The following ESRRG variants were observed in gnomAD, a reference collection of about 807,000 sequenced individuals.
ESRRG encodes the protein estrogen related receptor gamma.
In ESRRG, 13 loss-of-function variants were observed where a neutral mutation model predicts 44.0. The ratio of observed to expected loss-of-function variants is 0.30; its 90% CI spans 0.19 to 0.47. The LOEUF (loss-of-function observed/expected upper bound fraction) is 0.47. ESRRG is among the 20% of genes least tolerant of loss of function. The pLI, the probability that ESRRG is intolerant of heterozygous loss-of-function variation, is 1.00. For synonymous variants in ESRRG, 215 were observed against 214.6 expected (o/e 1.00, Z -0.02); for missense variants, 395 against 580.6 (o/e 0.68, Z 3.29).
At chr1:216,553,249 G>A (rs1042557150) in intron 5 of ESRRG, among the ~76,000 whole-genome samples, 5 of 152,178 alleles carry the variant, frequency 3.3e-5, no homozygotes, top group Non-Finnish European at 4.4e-5. Context: ...GGTGGAGGAG[G>A]CCCAGCACTT....
intron 1 of ESRRG, among the ~76,000 whole-genome samples, chr1:216,693,819 T>C (rs1488119040): frequency 6.6e-6 from 1 of 152,210 alleles, no homozygotes; most frequent in East Asian, 1.9e-4. Flanking sequence ...ATCCTTCCTC[T>C]ATGAATTAAT....
At chr1:217,137,197 C>G (rs918394403) in intron 1 of ESRRG, among the ~76,000 whole-genome samples, 1 of 152,194 alleles carries the variant, frequency 6.6e-6, no homozygotes, top group Non-Finnish European at 1.5e-5. Flanking sequence ...GGGCAAAAAC[C>G]AAACAGGGTC....
At chr1:216,995,402 G>A (rs2076249982) in intron 1 of ESRRG, among the ~76,000 whole-genome samples, 1 of 152,142 alleles carries the variant, frequency 6.6e-6, no homozygotes, top group Non-Finnish European at 1.5e-5. Flanking sequence ...ACCCTTCAGT[G>A]GCTCTCCATT....
chr1:216,610,731 T>C (rs1400447335), intron 3 of ESRRG, among the ~76,000 whole-genome samples: 1 of 149,114 alleles, frequency 6.7e-6, no homozygotes, highest in Non-Finnish European at 1.5e-5. Context: ...GTGTGTATTT[T>C]ATTTATTGAT....
intron 2 of ESRRG, among the ~76,000 whole-genome samples, chr1:216,915,445 G>C (rs1174062629): frequency 6.6e-6 from 1 of 152,100 alleles, no homozygotes; most frequent in Non-Finnish European, 1.5e-5. Flanking sequence ...AGATGGGGTG[G>C]AGAGGAAGAA....
At chr1:217,115,139 G>A (rs528436828) in intron 1 of ESRRG, among the ~76,000 whole-genome samples, 1 of 152,220 alleles carries the variant, frequency 6.6e-6, no homozygotes, top group East Asian at 1.9e-4. Context: ...ATATGACTAG[G>A]CATTTATTCT....
intron 1 of ESRRG, among the ~76,000 whole-genome samples, chr1:216,683,726 A>G (rs1191172875): frequency 2.0e-5 from 3 of 152,218 alleles, no homozygotes; most frequent in Non-Finnish European, 4.4e-5. Flanking sequence ...TGTCCCATGC[A>G]TTATAATTTC....
At chr1:216,559,738 C>T (rs1251575029) in intron 5 of ESRRG, among the ~76,000 whole-genome samples, 1 of 152,136 alleles carries the variant, frequency 6.6e-6, no homozygotes, top group East Asian at 1.9e-4. Context: ...CCACCAGTAC[C>T]CAGTAATGAG....
chr1:216,637,851 C>A (rs1574534307), intron 3 of ESRRG, among the ~76,000 whole-genome samples: 1 of 151,852 alleles, frequency 6.6e-6, no homozygotes, highest in East Asian at 1.9e-4. Context: ...TAAAACAGGA[C>A]TTCTGAAATA....
At chr1:216,569,115 G>GGAAGGAA (rs1558550991) in intron 3 of ESRRG, among the ~76,000 whole-genome samples, 25 of 110,142 alleles carry the variant, frequency 2.3e-4, no homozygotes, top group Admixed American at 1.7e-3. Context: ...GAAGGAAGAA[G>GGAAGGAA]GAAGGAAGGA....
chr1:216,981,066 T>C (rs1228660061), intron 1 of ESRRG, among the ~76,000 whole-genome samples: 2 of 152,166 alleles, frequency 1.3e-5, no homozygotes, highest in African/African-American at 4.8e-5. Flanking sequence ...CAGTCACTAA[T>C]TACGTAGCAG....
intron 2 of ESRRG, among the ~76,000 whole-genome samples, chr1:216,872,245 T>C (rs2096269076): frequency 6.6e-6 from 1 of 152,256 alleles, no homozygotes; most frequent in East Asian, 1.9e-4. Flanking sequence ...TTTATTTTTG[T>C]AGCATTTTGA....
chr1:216,552,520 G>A (rs1290809885), intron 5 of ESRRG, among the ~76,000 whole-genome samples: 1 of 152,140 alleles, frequency 6.6e-6, no homozygotes, highest in African/African-American at 2.4e-5. Flanking sequence ...AGATTAGACT[G>A]GGCACTTGGC....
chr1:216,553,955 G>A (rs772355889), intron 5 of ESRRG, among the ~76,000 whole-genome samples: 3 of 152,060 alleles, frequency 2.0e-5, no homozygotes, highest in African/African-American at 7.2e-5. Context: ...AACAATGGGG[G>A]CGTTATGACC....
intron 1 of ESRRG, among the ~76,000 whole-genome samples, chr1:217,128,728 T>C (rs893149987): frequency 6.6e-6 from 1 of 152,242 alleles, no homozygotes; most frequent in African/African-American, 2.4e-5. Flanking sequence ...TGAACAGCAA[T>C]AACTTTACAT....
intron 1 of ESRRG, among the ~76,000 whole-genome samples, chr1:217,006,072 G>A (rs1046916337): frequency 3.3e-5 from 5 of 151,958 alleles, no homozygotes; most frequent in Non-Finnish European, 7.4e-5. Context: ...CTCATAGAAT[G>A]GCTTTGAACT....
At chr1:216,595,166 C>G (rs2058254506) in intron 3 of ESRRG, among the ~76,000 whole-genome samples, 1 of 152,172 alleles carries the variant, frequency 6.6e-6, no homozygotes. Context: ...TAAAACTAAA[C>G]ATTACATAGC....
In ESRRG at chr1:216,693,211, C is replaced by T. The variant is rs184344179; in HGVS notation, c.57-15720G>A. Among the ~76,000 whole-genome samples the T allele has an allele frequency of 4.6e-5, 7 of 152,258 alleles. No homozygotes were observed. The East Asian group carries it at 1.2e-3, about 25-fold the overall frequency. On this transcript the variant is annotated intron_variant, in intron 1 of 6. Coordinates refer to ENST00000408911, the MANE Select transcript of ESRRG (RefSeq NM_001438.4). ...CCTTTAGGCTCATAATACTATGAGC[C>T]TATTTCTATAATTACAGTTAACATC...
chr1:216,609,143 T>G (rs1015043462), intron 3 of ESRRG, among the ~76,000 whole-genome samples: 3 of 152,248 alleles, frequency 2.0e-5, no homozygotes, highest in Non-Finnish European at 4.4e-5. Context: ...CTTGTTAATC[T>G]ATTACACACA....
Sources: allele counts gnomAD v4.1 joint callset (sites outside exome capture counted in the v4.1 genomes callset), GRCh38; gene constraint gnomAD v4.1.1; transcripts MANE v1.5; gene names NCBI Gene and HGNC (gene_info 2026-07-23, HGNC 2026-07-21).